The following ATP6V1B1 variants were observed in gnomAD, a reference collection of about 807,000 sequenced individuals.
ATP6V1B1 encodes the protein V-type proton ATPase subunit B, kidney isoform.
ATP6V1B1 carries 41 observed loss-of-function variants against 62.1 expected under a neutral mutation model. The ratio of observed to expected loss-of-function variants is 0.66; its 90% CI spans 0.51 to 0.86. ATP6V1B1 has a LOEUF of 0.86. Ranked by LOEUF, ATP6V1B1 falls within the 40% of genes least tolerant of loss-of-function variation. ATP6V1B1 has a pLI of 0.00. For missense variants in ATP6V1B1, 651 were observed against 697.5 expected, an observed-to-expected ratio of 0.93 and a Z score of 0.75; for synonymous variants, 253 against 273.4, an observed-to-expected ratio of 0.93 and a Z score of 0.74.
At chr2:70,941,371 C>G in intron 1 of ATP6V1B1, 1 of 985,664 alleles carries the variant, frequency 1.0e-6, no homozygotes, top group Middle Eastern at 5.2e-4. Flanking sequence ...GCCCCTCTTT[C>G]TGTTCCACGA....
intron 8 of ATP6V1B1, 35 bp downstream of exon 8, chr2:70,961,728 T>A: frequency 6.3e-7 from 1 of 1,597,304 alleles, no homozygotes; most frequent in South Asian, 1.1e-5. Context: ...TGCCCTCAGG[T>A]GGGCAGACCC....
At chr2:70,940,693 C>T in intron 1 of ATP6V1B1, 1 of 985,420 alleles carries the variant, frequency 1.0e-6, no homozygotes, top group Non-Finnish European at 1.2e-6. Flanking sequence ...CTTCTACTCT[C>T]TGCCTTCTCA....
In ATP6V1B1 at chr2:70,935,939, A is replaced by T; in HGVS notation, c.-16A>T. ...CAGCAGGCTCAGACACTGGGCTCCC[A>T]GCTGGGGACTGCTCCATGGCCATGG... On this transcript the variant is annotated 5_prime_UTR_variant, in exon 1 of 14. Coordinates refer to ENST00000234396, the MANE Select transcript of ATP6V1B1 (RefSeq NM_001692.4). 1 of 1,606,542 alleles carries T rather than the reference A, an allele frequency of 6.2e-7. No homozygotes were observed. The highest frequency in any genetic ancestry group is 1.1e-5 in the South Asian group (1 of 90,658).
chr2:70,964,114 A>ATTTTTTTTTTTTTTTTTTTTTT lies in ATP6V1B1; in HGVS notation c.1144-323_1144-302dup, dbSNP rs66905923. The ATTTTTTTTTTTTTTTTTTTTTT allele has an allele frequency of 1.3e-4, 16 of 127,338 alleles. 4 individuals are homozygous for ATTTTTTTTTTTTTTTTTTTTTT. Among genetic ancestry groups the ATTTTTTTTTTTTTTTTTTTTTT allele is most frequent in the African/African-American group, 6.5e-4 (11 of 16,900 alleles). 7.9% of individuals were successfully genotyped at this position (127,338 alleles called of 1,614,324 possible). A position where few individuals can be genotyped will look rare whatever the true frequency, so the allele number is the denominator to read the frequency against. On this transcript the variant is annotated intron_variant, in intron 11 of 13. Transcript: ENST00000234396. ...ACGTTTTTCTCTTTGCTTGGCAGGT[A>ATTTTTTTTTTTTTTTTTTTTTT]TTTTTTTTTTTTTTTTTTTTTTGCA...
chr2:70,962,697 C>G (rs1014109903), intron 8 of ATP6V1B1, 80 bp from the exon 9 acceptor site: 3 of 1,595,664 alleles, frequency 1.9e-6, no homozygotes, highest in Non-Finnish European at 2.6e-6. Flanking sequence ...CTTCCCAGTT[C>G]ACCTTGCGCT....
chr2:70,965,072 A>T lies in ATP6V1B1; in HGVS notation c.1493A>T (p.Tyr498Phe), dbSNP rs201234802. The change falls in exon 14 of 14, where the codon TAT becomes TTT. Residue 498 changes from tyrosine to phenylalanine, a missense_variant. Physicochemically the swap from Tyr to Phe is conservative, Grantham distance 22. Coordinates refer to ENST00000234396, the MANE Select transcript of ATP6V1B1 (RefSeq NM_001692.4). The stretch of plus-strand genomic sequence containing the variant: ...CCGCAGGCCGTGATCGACGAGTTCT[A>T]TTCCCGCGAGGGGGCGCTGCAGGAC... ...RIPQAVIDEF[Y>F]SREGALQDLA... 1.2e-5 allele frequency: 19 copies of T among 1,613,238 alleles called. No homozygotes were observed. The highest frequency in any genetic ancestry group is 1.4e-5 in the Non-Finnish European group (17 of 1,180,036).
chr2:70,962,871 A>G lies in ATP6V1B1; in HGVS notation c.880A>G (p.Met294Val), dbSNP rs544592839. ...GCATGTGCTGGTCATACTGACGGAC[A>G]TGAGTTCCTATGCAGAGGCCTTGCG... The part of the protein sequence containing the change: ...EKHVLVILTD[M>V]SSYAEALREV... The change falls in exon 9 of 14, where the codon ATG (methionine) becomes GTG (valine). Residue 294 changes from methionine to valine, a missense_variant. Transcript: ENST00000234396. 7 of 1,614,136 alleles carry G rather than the reference A, an allele frequency of 4.3e-6. No individual in the cohort carries two copies. The highest frequency in any genetic ancestry group is 4.0e-5 in the African/African-American group (3 of 75,050).
At chr2:70,943,995 C>T (rs1274873478) in intron 2 of ATP6V1B1, 1 of 984,536 alleles carries the variant, frequency 1.0e-6, no homozygotes, top group African/African-American at 1.7e-5. Context: ...GCTGTCCTGC[C>T]TCCGTTTCCC....
rs782414083 is a variant in ATP6V1B1 at position 70,963,156 on chromosome 2, T to C, written c.910-6T>C. 1.2e-6 allele frequency: 2 copies of C among 1,614,020 alleles called. No homozygotes were observed. The highest frequency in any genetic ancestry group is 1.1e-5 in the South Asian group (1 of 91,068). The stretch of plus-strand genomic sequence containing the variant: ...TTTCTTACCCCAGTGCCCATGGATA[T>C]TGCAGGTCTCTGCTGCTAGAGAGGA... On this transcript the variant is annotated splice_polypyrimidine_tract_variant and splice_region_variant and intron_variant, in intron 9 of 13. Transcript: ENST00000234396. The surrounding 1 kb of genome is among the most constrained non-coding windows in gnomAD (Gnocchi z 4.3).
At position 70,959,072 on chromosome 2, in the gene ATP6V1B1, C is replaced by A; in HGVS notation, c.422C>A (p.Ala141Glu). 6.2e-7 allele frequency: 1 copy of A among 1,614,112 alleles called. No individual in the cohort carries two copies. Residue 141 changes from alanine (A) to glutamate (E), a missense_variant, in exon 5 of 14, where the codon GCG becomes GAG. Physicochemically the swap from Ala to Glu is moderately radical, Grantham distance 107. Transcript: ENST00000234396. This position sits in a 1 kb window ranked among gnomAD's most constrained non-coding sequence, Gnocchi z 4.2. ...KPIDKGPVVM[A>E]EDFLDINGQP... ...ATTGACAAGGGGCCAGTGGTCATGGCGGAGGACTTTCTGGATATCAATGGT... is the reference window on the plus strand; with the variant it reads ...ATTGACAAGGGGCCAGTGGTCATGGAGGAGGACTTTCTGGATATCAATGGT...
chr2:70,941,073 T>C (rs1679994279), intron 1 of ATP6V1B1: 1 of 455,864 alleles, frequency 2.2e-6, no homozygotes, highest in East Asian at 1.6e-4. Context: ...CGTTCCACCA[T>C]GCCCAGCTAA....
intron 2 of ATP6V1B1, among the ~76,000 whole-genome samples, chr2:70,957,615 T>C (rs981917293): frequency 6.6e-6 from 1 of 152,124 alleles, no homozygotes; most frequent in South Asian, 2.1e-4. Flanking sequence ...TACATCTTTA[T>C]TGAGGTTTTA....
intron 2 of ATP6V1B1, among the ~76,000 whole-genome samples, chr2:70,946,734 C>T (rs1261744412): frequency 1.3e-5 from 2 of 152,184 alleles, no homozygotes; most frequent in African/African-American, 4.8e-5. Context: ...CACCTCCTGC[C>T]CCCTCTCCAC....
intron 1 of ATP6V1B1, chr2:70,943,444 G>A (rs1553416724): frequency 1.5e-6 from 1 of 685,024 alleles, no homozygotes; most frequent in South Asian, 1.6e-5. Context: ...CCCTCCCCCA[G>A]CCTCCTGCAG....
Position 70,959,130 on chromosome 2 carries a change from C to A in ATP6V1B1, c.445+35C>A. 1.2e-6 allele frequency: 2 copies of A among 1,600,300 alleles called. No homozygotes were observed. Among genetic ancestry groups the A allele is most frequent in the South Asian group, 2.2e-5 (2 of 90,666 alleles). On this transcript the variant is annotated intron_variant, in intron 5 of 13. Coordinates refer to ENST00000234396, the MANE Select transcript of ATP6V1B1 (RefSeq NM_001692.4). The surrounding 1 kb of genome is among the most constrained non-coding windows in gnomAD (Gnocchi z 4.2). ...TGGAGGTTCTGGATGGCTTCGGGAC[C>A]CAGCCCTAACACCTTCCCCACTCTT...
At chr2:70,961,866 A>T in intron 8 of ATP6V1B1, 173 bp downstream of exon 8, 1 of 689,776 alleles carries the variant, frequency 1.4e-6, no homozygotes, top group Non-Finnish European at 2.6e-6. Context: ...GGCTAGGAAA[A>T]CTCACAGGCA....
In ATP6V1B1 at chr2:70,959,096, G is replaced by T. The variant is rs1553419572; in HGVS notation, c.445+1G>T. ...GCGGAGGACTTTCTGGATATCAATG[G>T]TGAGTGACTGGAGGTTCTGGATGGC... On this transcript the variant is annotated splice_donor_variant, in intron 5 of 13. Coordinates refer to ENST00000234396, the MANE Select transcript of ATP6V1B1 (RefSeq NM_001692.4). LOFTEE classifies it high-confidence loss of function. This position sits in a 1 kb window ranked among gnomAD's most constrained non-coding sequence, Gnocchi z 4.2. The T allele has an allele frequency of 6.2e-7, 1 of 1,614,126 alleles. No homozygotes were observed. Among genetic ancestry groups the T allele is most frequent in the Admixed American group, 1.7e-5 (1 of 60,022 alleles).
intron 11 of ATP6V1B1, chr2:70,964,112 G>GTTTTTTTTTT (rs1330555546): frequency 4.5e-4 from 71 of 158,308 alleles, no homozygotes; most frequent in African/African-American, 1.4e-3. Context: ...TGCTTGGCAG[G>GTTTTTTTTTT]TATTTTTTTT....
chr2:70,962,007 A>ATTTCCCT (rs1553420191), intron 8 of ATP6V1B1, among the ~76,000 whole-genome samples: 3 of 51,246 alleles, frequency 5.9e-5, no homozygotes, highest in East Asian at 2.7e-3. Context: ...CAAGAAGATC[A>ATTTCCCT]AACTGCTATT....
Sources: allele counts gnomAD v4.1 joint callset (sites outside exome capture counted in the v4.1 genomes callset), GRCh38; gene constraint gnomAD v4.1.1; non-coding constraint Gnocchi (gnomAD v3.1); transcripts MANE v1.5; gene names NCBI Gene and HGNC (gene_info 2026-07-23, HGNC 2026-07-21).